The following LMX1A variants were observed in gnomAD, a reference collection of about 807,000 sequenced individuals.
LMX1A encodes the protein LIM homeobox transcription factor 1 alpha.
In LMX1A, 15 loss-of-function variants were observed where a neutral mutation model predicts 49.1. The ratio of observed to expected loss-of-function variants is 0.31; its 90% CI spans 0.20 to 0.47. The LOEUF (loss-of-function observed/expected upper bound fraction) is 0.47, where lower values mean the gene tolerates loss of function less well. Ranked by LOEUF, LMX1A falls within the 20% of genes least tolerant of loss-of-function variation. The pLI, the probability that LMX1A is intolerant of heterozygous loss-of-function variation, is 1.00. For missense variants in LMX1A, 372 were observed against 475.8 expected (o/e 0.78, Z 2.03); for synonymous variants, 167 against 185.7 (o/e 0.90, Z 0.82).
Position 165,223,866 on chromosome 1 carries a change from C to T in LMX1A, c.497-10053G>A, listed in dbSNP as rs192232882. ...CATATAAAGATTCTGTTTTGACCTA[C>T]TTCTGGAGGCAGTATAACAGAGTGA... On this transcript the variant is annotated intron_variant, in intron 4 of 8. Transcript: ENST00000342310. Among the ~76,000 whole-genome samples, 745 of 151,578 alleles carry T rather than the reference C, an allele frequency of 4.9e-3. 5 individuals are homozygous for T. Among genetic ancestry groups the T allele is most frequent in the Non-Finnish European group, 5.2e-3 (354 of 67,928 alleles).
intron 3 of LMX1A, among the ~76,000 whole-genome samples, chr1:165,339,663 G>C (rs577523258): frequency 6.6e-6 from 1 of 152,288 alleles, no homozygotes; most frequent in African/African-American, 2.4e-5. Flanking sequence ...ATGGAAAGCA[G>C]ACCCACCTCT....
intron 3 of LMX1A, among the ~76,000 whole-genome samples, chr1:165,258,477 GA>G (rs1045768616): frequency 2.4e-4 from 36 of 152,292 alleles, no homozygotes; most frequent in African/African-American, 7.9e-4. Context: ...TTCTATAGGA[GA>G]CAGTCTCAAG....
At chr1:165,339,902 A>G (rs1656018982) in intron 3 of LMX1A, among the ~76,000 whole-genome samples, 2 of 152,204 alleles carry the variant, frequency 1.3e-5, no homozygotes, top group South Asian at 4.2e-4. Flanking sequence ...GCCATCAAGC[A>G]GGCTCAAAAC....
At position 165,355,370 on chromosome 1, in the gene LMX1A, A is replaced by G. The variant is rs549550963; in HGVS notation, c.76+114T>C. 315 of 949,312 alleles carry G rather than the reference A, an allele frequency of 3.3e-4. 4 individuals carry two copies. In the South Asian group the frequency reaches 3.8e-3, roughly 11 times the overall value. The allele number at this position is 949,312 out of a possible 1,614,324, so 58.8% of individuals were successfully genotyped here. ...ATAGTGATGGGGCTCAATTTAGTGTATGAAGAGGGGCGCTAGCTTCCCTAT... is the reference window on the plus strand; with the variant it reads ...ATAGTGATGGGGCTCAATTTAGTGTGTGAAGAGGGGCGCTAGCTTCCCTAT... On this transcript the variant is annotated intron_variant, in intron 2 of 8. Transcript: ENST00000342310. The surrounding 1 kb of genome is among the most constrained non-coding windows in gnomAD (Gnocchi z 4.7).
chr1:165,338,740 A>G (rs556648558), intron 3 of LMX1A, among the ~76,000 whole-genome samples: 1 of 152,330 alleles, frequency 6.6e-6, no homozygotes, highest in Non-Finnish European at 1.5e-5. Flanking sequence ...TGTCACTAAT[A>G]TATTTTCCAC....
intron 3 of LMX1A, among the ~76,000 whole-genome samples, chr1:165,309,166 G>A (rs961342118): frequency 3.3e-5 from 5 of 151,956 alleles, no homozygotes. Context: ...AGTGAATGAT[G>A]CTGAGGGCTC....
At chr1:165,306,930 G>T (rs578167472) in intron 3 of LMX1A, among the ~76,000 whole-genome samples, 3 of 152,224 alleles carry the variant, frequency 2.0e-5, no homozygotes, top group Non-Finnish European at 4.4e-5. Context: ...GAGTGAAGCG[G>T]TCAGCAGGAG....
chr1:165,295,105 G>A (rs1654578481), intron 3 of LMX1A, among the ~76,000 whole-genome samples: 1 of 152,054 alleles, frequency 6.6e-6, no homozygotes, highest in South Asian at 2.1e-4. Flanking sequence ...GTATTATATG[G>A]TATAAGACTT....
chr1:165,270,708 T>G (rs190537745), intron 3 of LMX1A, among the ~76,000 whole-genome samples: 1 of 152,138 alleles, frequency 6.6e-6, no homozygotes, highest in Non-Finnish European at 1.5e-5. Flanking sequence ...CTCTATTTTA[T>G]AGGAAATGGG....
chr1:165,209,125 G>T (rs1651248577), intron 6 of LMX1A, among the ~76,000 whole-genome samples: 2 of 152,150 alleles, frequency 1.3e-5, no homozygotes, highest in Admixed American at 1.3e-4. Context: ...GTGTCCCTGT[G>T]CTTTATGAAT....
intron 3 of LMX1A, among the ~76,000 whole-genome samples, chr1:165,288,475 C>T (rs1007875956): frequency 1.1e-4 from 16 of 152,232 alleles, no homozygotes; most frequent in Non-Finnish European, 1.9e-4. Flanking sequence ...TCCTCGGCAG[C>T]GGCTGCCACC....
intron 3 of LMX1A, among the ~76,000 whole-genome samples, chr1:165,345,540 C>T (rs568670497): frequency 6.8e-6 from 1 of 146,812 alleles, no homozygotes; most frequent in East Asian, 2.1e-4. Flanking sequence ...AACACACCCA[C>T]CTGTAGTAGC....
At chr1:165,350,524 T>G (rs1656394117) in intron 3 of LMX1A, among the ~76,000 whole-genome samples, 2 of 146,718 alleles carry the variant, frequency 1.4e-5, no homozygotes, top group Admixed American at 1.4e-4. Flanking sequence ...AATAAAGAAG[T>G]TTGTCCTGAG....
At chr1:165,325,064 T>A (rs919300745) in intron 3 of LMX1A, among the ~76,000 whole-genome samples, 3 of 152,056 alleles carry the variant, frequency 2.0e-5, no homozygotes, top group African/African-American at 7.2e-5. Flanking sequence ...GACCACCACA[T>A]CATCATCTCT....
chr1:165,351,628 T>C (rs1656431508), intron 3 of LMX1A, among the ~76,000 whole-genome samples: 1 of 152,180 alleles, frequency 6.6e-6, no homozygotes. Context: ...AGCCAAGCTA[T>C]TATCTTTTCA....
intron 3 of LMX1A, among the ~76,000 whole-genome samples, chr1:165,264,842 G>C (rs186628580): frequency 6.6e-6 from 1 of 152,006 alleles, no homozygotes; most frequent in South Asian, 2.1e-4. Context: ...AGGAGGTCGA[G>C]GCTGCAGTGA....
intron 7 of LMX1A, among the ~76,000 whole-genome samples, chr1:165,206,401 T>C (rs1317333725): frequency 1.3e-5 from 2 of 152,140 alleles, no homozygotes; most frequent in African/African-American, 2.4e-5. Context: ...GAAGATTCCA[T>C]AGGACTGTGT....
intron 3 of LMX1A, among the ~76,000 whole-genome samples, chr1:165,321,066 A>G (rs1013155959): frequency 1.3e-5 from 2 of 152,224 alleles, no homozygotes; most frequent in Non-Finnish European, 2.9e-5. Flanking sequence ...ATCCATAAAA[A>G]AGAATGCAGT....
Position 165,228,579 on chromosome 1 carries a change from C to A in LMX1A, c.497-14766G>T, listed in dbSNP as rs150870422. 6.1e-3 allele frequency among the ~76,000 whole-genome samples: 925 copies of A among 152,274 alleles called. 5 individuals are homozygous for A. Among genetic ancestry groups the A allele is most frequent in the African/African-American group, 0.02 (835 of 41,552 alleles). On this transcript the variant is annotated intron_variant, in intron 4 of 8. Coordinates refer to ENST00000342310, the MANE Select transcript of LMX1A (RefSeq NM_177398.4). ...GTCCCTTCACTTGCCAGGTAAGCAC[C>A]TCCATGCAATTGATTTCACTAGCCA...
Sources: gnomAD v4.1 joint callset for allele counts (sites outside exome capture counted in the v4.1 genomes callset) on GRCh38, gnomAD v4.1.1 for gene constraint, Gnocchi (gnomAD v3.1) non-coding constraint, MANE v1.5 for transcripts, NCBI Gene and HGNC (gene_info 2026-07-23, HGNC 2026-07-21) for gene names.